DMD: variants seen among roughly 807,000 people sequenced by gnomAD.
DMD encodes the protein dystrophin.
A neutral mutation model predicts 330.1 loss-of-function variants in DMD; 63 were observed. The ratio of observed to expected loss-of-function variants is 0.19; its 90% CI spans 0.16 to 0.24. The LOEUF (loss-of-function observed/expected upper bound fraction) is 0.24, where lower values mean the gene tolerates loss of function less well. DMD is among the 10% of genes least tolerant of loss of function. The pLI, the probability that DMD is intolerant of heterozygous loss-of-function variation, is 1.00. For missense variants in DMD, 3,344 were observed against 2,684.1 expected (o/e 1.25, Z -5.43); for synonymous variants, 1,223 against 959.8 (o/e 1.27, Z -5.07).
intron 7 of DMD, among the ~76,000 whole-genome samples, chrX:32,718,921 T>C (rs2065986752): frequency 8.9e-6 from 1 of 112,231 alleles, no homozygotes; most frequent in African/African-American, 3.2e-5. Context: ...AAATAGTTAA[T>C]AACCTTCCAT....
intron 2 of DMD, among the ~76,000 whole-genome samples, chrX:32,933,238 T>C (rs1057417826): frequency 1.8e-5 from 2 of 112,071 alleles, no homozygotes; most frequent in African/African-American, 6.5e-5. Context: ...AGACTAGAGA[T>C]ATTAAGAAAA....
chrX:32,720,857 G>C (rs748004018), intron 7 of DMD, among the ~76,000 whole-genome samples: 12 of 111,338 alleles, frequency 1.1e-4, no homozygotes, highest in African/African-American at 3.6e-4. Flanking sequence ...AAGTTTCCAT[G>C]TACACATTGA....
rs189639107 is a variant in DMD at position 32,623,004 on chromosome X, C to T, written c.1332-8551G>A. 1.8e-4 allele frequency among the ~76,000 whole-genome samples: 20 copies of T among 111,758 alleles called. No individual in the cohort carries two copies. The East Asian group carries it at 5.4e-3, about 30-fold the overall frequency. ...TATGTGTTCGATCTATTAGTTACTA[C>T]TGCTAAAACTCAGAAGATATAGATT... On this transcript the variant is annotated intron_variant, in intron 11 of 78. Transcript: ENST00000357033.
At chrX:32,563,021 G>A (rs1018417066) in intron 16 of DMD, among the ~76,000 whole-genome samples, 13 of 111,277 alleles carry the variant, frequency 1.2e-4, no homozygotes, top group Non-Finnish European at 2.4e-4. Context: ...CAATAGGAGC[G>A]TGTAACTGTT....
Position 31,715,578 on chromosome X carries a change from T to C in DMD, c.7660+14053A>G, listed in dbSNP as rs1369991383. ...AAAAAAAAAAATTAAGAGCTTTCTA[T>C]ATACATTTCATTTCCATTTTGCTCA... On this transcript the variant is annotated intron_variant, in intron 52 of 78. Coordinates refer to ENST00000357033, the MANE Select transcript of DMD (RefSeq NM_004006.3). 8.2e-5 allele frequency among the ~76,000 whole-genome samples: 9 copies of C among 109,188 alleles called. No individual in the cohort carries two copies. In the South Asian group the frequency reaches 2.8e-3, roughly 34 times the overall value. 94.8% of individuals were successfully genotyped at this position (109,188 alleles called of 115,157 possible). A position where few individuals can be genotyped will look rare whatever the true frequency, so the allele number is the denominator to read the frequency against.
chrX:32,042,158 TAC>T (rs1192799518), intron 44 of DMD, among the ~76,000 whole-genome samples: 8 of 60,841 alleles, frequency 1.3e-4, no homozygotes, highest in Non-Finnish European at 9.5e-5. Flanking sequence ...TACATACATA[TAC>T]ACACATATGT....
intron 1 of DMD, among the ~76,000 whole-genome samples, chrX:33,071,099 A>G (rs1274024023): frequency 1.8e-5 from 2 of 111,167 alleles, no homozygotes; most frequent in Non-Finnish European, 3.8e-5. Flanking sequence ...ATCACTTACT[A>G]ATTATGTGAT....
chrX:31,883,354 G>C (rs1228172269), intron 47 of DMD, among the ~76,000 whole-genome samples: 1 of 110,917 alleles, frequency 9.0e-6, no homozygotes, highest in East Asian at 2.8e-4. Flanking sequence ...CATGAGAGGG[G>C]CTCCTGAGGT....
chrX:31,173,247 T>G (rs1388613620), intron 72 of DMD, among the ~76,000 whole-genome samples: 1 of 111,406 alleles, frequency 9.0e-6, no homozygotes, highest in African/African-American at 3.3e-5. Flanking sequence ...CTAAGGAGGT[T>G]AAACTATTTG....
intron 7 of DMD, among the ~76,000 whole-genome samples, chrX:32,748,908 A>G (rs1350298176): frequency 2.7e-5 from 3 of 112,402 alleles, no homozygotes; most frequent in Non-Finnish European, 5.6e-5. Context: ...ATAAAACATA[A>G]GCACATTCTT....
rs558011815 is a variant in DMD at position 32,659,486 on chromosome X, T to A, written c.961-14334A>T. Among the ~76,000 whole-genome samples, 26 of 110,866 alleles carry A rather than the reference T, an allele frequency of 2.3e-4. No homozygotes were observed. In the South Asian group the frequency reaches 8.2e-3, roughly 35 times the overall value. ...GAAATAATATAAATAACTAGTGAGC[T>A]AATTAGGAAGACAATTATAAGGGTG... is the stretch of plus-strand genomic sequence containing the variant. On this transcript the variant is annotated intron_variant, in intron 9 of 78. Transcript: ENST00000357033.
chrX:32,430,110 A>G (rs1031445627), intron 29 of DMD, among the ~76,000 whole-genome samples: 8 of 110,994 alleles, frequency 7.2e-5, no homozygotes, highest in African/African-American at 2.6e-4. Flanking sequence ...AATTTTTTCA[A>G]TATCTTGAAA....
intron 55 of DMD, among the ~76,000 whole-genome samples, chrX:31,574,841 T>G (rs1004742646): frequency 8.9e-6 from 1 of 111,855 alleles, no homozygotes; most frequent in African/African-American, 3.3e-5. Flanking sequence ...AAAACTACGA[T>G]TTTCTAATCG....
intron 26 of DMD, among the ~76,000 whole-genome samples, chrX:32,449,215 C>G (rs779775059): frequency 4.2e-4 from 46 of 110,735 alleles, no homozygotes; most frequent in Non-Finnish European, 5.7e-4. Flanking sequence ...TGGCCTGACA[C>G]CCAGCTATGC....
intron 44 of DMD, among the ~76,000 whole-genome samples, chrX:32,048,309 T>G (rs1475982624): frequency 1.9e-5 from 2 of 106,264 alleles, no homozygotes; most frequent in African/African-American, 6.9e-5. Flanking sequence ...TGTGTTTTTT[T>G]TTTTCATCTG....
intron 26 of DMD, among the ~76,000 whole-genome samples, chrX:32,448,997 C>G (rs765535764): frequency 3.2e-4 from 35 of 110,716 alleles, no homozygotes; most frequent in African/African-American, 1.1e-3. Flanking sequence ...ATTTGGCAGT[C>G]TAGAATTGAA....
intron 7 of DMD, among the ~76,000 whole-genome samples, chrX:32,721,332 G>A (rs1438965634): frequency 9.1e-6 from 1 of 110,273 alleles, no homozygotes; most frequent in Non-Finnish European, 1.9e-5. Context: ...CCAGCAGTAT[G>A]TCAGGGTTCC....
chrX:31,348,367 C>A lies in DMD; in HGVS notation c.9163+189G>T, dbSNP rs6628596. 130,440 of 464,834 alleles carry A rather than the reference C, an allele frequency of 0.28. 13,344 individuals carry two copies. Among genetic ancestry groups the A allele is most frequent in the East Asian group, 0.53 (13,929 of 26,408 alleles). 38.3% of individuals were successfully genotyped at this position (464,834 alleles called of 1,213,427 possible). On this transcript the variant is annotated intron_variant, in intron 61 of 78. Coordinates refer to ENST00000357033, the MANE Select transcript of DMD (RefSeq NM_004006.3). ...TTAGCTGAAGACTGGACAAAATGAT[C>A]CAATTGGCCTTCCTCTTCCTAACCT...
chrX:33,098,538 T>A (rs781472314), intron 1 of DMD, among the ~76,000 whole-genome samples: 1 of 111,155 alleles, frequency 9.0e-6, no homozygotes, highest in South Asian at 3.9e-4. Context: ...TAAAGACTTA[T>A]AACTTGAGTG....
Sources: gnomAD v4.1 joint callset for allele counts (sites outside exome capture counted in the v4.1 genomes callset) on GRCh38, gnomAD v4.1.1 for gene constraint, MANE v1.5 for transcripts, NCBI Gene and HGNC (gene_info 2026-07-23, HGNC 2026-07-21) for gene names.